Variants in COG5 observed in about 807,000 individuals in gnomAD.
COG5 encodes the protein component of oligomeric golgi complex 5.
Under a neutral mutation model 110.4 loss-of-function variants are expected in COG5, and 86 were observed. The observed-to-expected ratio is 0.78, with a 90% confidence interval of 0.65 to 0.93. The LOEUF (loss-of-function observed/expected upper bound fraction) is 0.93, where lower values mean the gene tolerates loss of function less well. Among genes scored for constraint, COG5 ranks in the 40% least tolerant of loss-of-function variants. COG5 has a pLI of 0.00. For synonymous variants in COG5, 360 were observed against 334.6 expected, an observed-to-expected ratio of 1.08 and a Z score of -0.83; for missense variants, 1,077 against 987.0, an observed-to-expected ratio of 1.09 and a Z score of -1.22.
At chr7:107,343,412 G>C (rs926523964) in intron 10 of COG5, among the ~76,000 whole-genome samples, 5 of 152,214 alleles carry the variant, frequency 3.3e-5, no homozygotes, top group Admixed American at 6.5e-5. Context: ...CAGGCATAGT[G>C]GTTCATGCCT....
chr7:107,449,658 G>A (rs1012509376), intron 6 of COG5, among the ~76,000 whole-genome samples: 1 of 152,166 alleles, frequency 6.6e-6, no homozygotes, highest in Non-Finnish European at 1.5e-5. Flanking sequence ...CCAAGAAGCA[G>A]AGAAAAGACA....
intron 19 of COG5, among the ~76,000 whole-genome samples, chr7:107,224,551 A>G (rs1022123091): frequency 1.3e-5 from 2 of 152,162 alleles, no homozygotes; most frequent in African/African-American, 4.8e-5. Flanking sequence ...TTCAGGAGCA[A>G]AGGTGGTGAG....
chr7:107,397,851 A>G (rs1370558741), intron 7 of COG5, among the ~76,000 whole-genome samples: 1 of 152,180 alleles, frequency 6.6e-6, no homozygotes, highest in East Asian at 1.9e-4. Flanking sequence ...CCATTATGGG[A>G]AAGACTGACA....
intron 10 of COG5, among the ~76,000 whole-genome samples, chr7:107,324,935 T>A (rs1007336624): frequency 6.6e-5 from 10 of 152,236 alleles, no homozygotes; most frequent in African/African-American, 2.2e-4. Flanking sequence ...ACTCTCATCA[T>A]CATTTTTTAA....
chr7:107,541,865 G>A (rs533147661), intron 5 of COG5, among the ~76,000 whole-genome samples: 3 of 151,316 alleles, frequency 2.0e-5, no homozygotes, highest in Admixed American at 6.6e-5. Context: ...CAGGAGGCGC[G>A]GTTGCAGTGA....
At chr7:107,266,707 T>A (rs939504647) in intron 14 of COG5, among the ~76,000 whole-genome samples, 2 of 152,150 alleles carry the variant, frequency 1.3e-5, no homozygotes, top group Non-Finnish European at 2.9e-5. Context: ...TTGGTCTAAC[T>A]TGCTTTGAAG....
intron 6 of COG5, among the ~76,000 whole-genome samples, chr7:107,417,959 G>T (rs1310957676): frequency 2.5e-4 from 38 of 151,648 alleles, no homozygotes; most frequent in Admixed American, 2.4e-3. Flanking sequence ...TAAGTTATTT[G>T]TTTACATATT....
chr7:107,363,910 G>A (rs758107443), intron 8 of COG5, among the ~76,000 whole-genome samples: 66 of 150,812 alleles, frequency 4.4e-4, no homozygotes, highest in South Asian at 8.4e-4. Flanking sequence ...AGCCGAGATC[G>A]TACCATTGCA....
Position 107,372,588 on chromosome 7 carries a change from T to A in COG5, c.835+7A>T, listed in dbSNP as rs758453447. 6.2e-7 allele frequency: 1 copy of A among 1,612,954 alleles called. No homozygotes were observed. The highest frequency in any genetic ancestry group is 1.7e-5 in the Admixed American group (1 of 59,980). ...ATAAAGAAGCTAAATATAAACCACA[T>A]CCATACCTCTCACAGCTGACTGGGA... On this transcript the variant is annotated splice_region_variant and intron_variant, in intron 8 of 21. Transcript: ENST00000297135.
chr7:107,495,952 A>ATT lies in COG5; in HGVS notation c.538+31283_538+31284dup, dbSNP rs139183279. Among the ~76,000 whole-genome samples, 970 of 148,532 alleles carry ATT rather than the reference A, an allele frequency of 6.5e-3. 6 individuals carry two copies. Among genetic ancestry groups the ATT allele is most frequent in the Admixed American group, 0.014 (213 of 14,926 alleles). ...ATTTATTTTTACTCATTTTTTAATT[A>ATT]TTTTTTTTTTTAAGAGACAAGGTCT... On this transcript the variant is annotated intron_variant, in intron 6 of 21. Coordinates refer to ENST00000297135, the MANE Select transcript of COG5 (RefSeq NM_006348.5).
intron 21 of COG5, among the ~76,000 whole-genome samples, chr7:107,207,410 T>C (rs1481950708): frequency 6.6e-6 from 1 of 152,154 alleles, no homozygotes; most frequent in Non-Finnish European, 1.5e-5. Flanking sequence ...AGGATGCACA[T>C]GGCACCAAGC....
At chr7:107,216,284 C>T (rs1256206518) in intron 19 of COG5, among the ~76,000 whole-genome samples, 2 of 152,318 alleles carry the variant, frequency 1.3e-5, no homozygotes, top group East Asian at 1.9e-4. Flanking sequence ...ACAGAAATAA[C>T]TTACAATGCA....
chr7:107,324,750 G>C (rs1809617033), intron 10 of COG5, among the ~76,000 whole-genome samples: 1 of 152,082 alleles, frequency 6.6e-6, no homozygotes. Flanking sequence ...CATAATAGCT[G>C]GTGTAACCTT....
intron 6 of COG5, among the ~76,000 whole-genome samples, chr7:107,519,305 C>A (rs1247798505): frequency 6.6e-6 from 1 of 151,822 alleles, no homozygotes; most frequent in Non-Finnish European, 1.5e-5. Flanking sequence ...AAGATCAGAG[C>A]AGAACTGAAG....
chr7:107,479,349 G>A (rs1797179660), intron 6 of COG5, among the ~76,000 whole-genome samples: 1 of 152,066 alleles, frequency 6.6e-6, no homozygotes, highest in Non-Finnish European at 1.5e-5. Flanking sequence ...AGGTATCTGA[G>A]CAGGGGAATT....
At position 107,412,589 on chromosome 7, in the gene COG5, T is replaced by C. The variant is rs1792387455; in HGVS notation, c.582A>G (p.Ile194Met). The change falls in exon 7 of 22, where the codon ATA becomes ATG. Residue 194 changes from isoleucine (I) to methionine (M), a missense_variant. By Grantham distance (10) the Ile-to-Met change is conservative. Transcript: ENST00000297135. The stretch of plus-strand genomic sequence containing the variant: ...TTGCAATAAAAAGTAGATCATTTTC[T>C]ATCACTTCTATTCCAGAAAGATCTA... ...QGIDLSGIEVIENDLLFIARA... is the reference protein window; with the variant it reads ...QGIDLSGIEVMENDLLFIARA... The C allele has an allele frequency of 1.3e-6, 2 of 1,584,984 alleles. No individual in the cohort carries two copies. Among genetic ancestry groups the C allele is most frequent in the Non-Finnish European group, 8.7e-7 (1 of 1,154,286 alleles).
chr7:107,452,113 C>A (rs1410602999), intron 6 of COG5, among the ~76,000 whole-genome samples: 1 of 152,138 alleles, frequency 6.6e-6, no homozygotes, highest in Non-Finnish European at 1.5e-5. Context: ...TAAAACAGAT[C>A]CCATTACTTT....
At chr7:107,423,348 A>C (rs573361646) in intron 6 of COG5, among the ~76,000 whole-genome samples, 12 of 152,336 alleles carry the variant, frequency 7.9e-5, no homozygotes, top group African/African-American at 2.9e-4. Flanking sequence ...CAGACATATC[A>C]TCGTGGAAAA....
chr7:107,453,876 T>G (rs1411874615), intron 6 of COG5, among the ~76,000 whole-genome samples: 1 of 152,166 alleles, frequency 6.6e-6, no homozygotes, highest in Non-Finnish European at 1.5e-5. Context: ...ATTAAATTAT[T>G]GTATTACTGA....
Sources: allele counts gnomAD v4.1 joint callset (sites outside exome capture counted in the v4.1 genomes callset), GRCh38; gene constraint gnomAD v4.1.1; transcripts MANE v1.5; gene names NCBI Gene and HGNC (gene_info 2026-07-23, HGNC 2026-07-21).